The following GRK3 variants were observed in gnomAD, a reference collection of about 807,000 sequenced individuals.
GRK3 encodes adrenergic, beta, receptor kinase 2.
Under a neutral mutation model 95.7 loss-of-function variants are expected in GRK3, and 54 were observed. That is an observed-to-expected ratio of 0.56 (90% CI 0.45 to 0.71). The LOEUF is 0.71. GRK3 is among the 30% of genes least tolerant of loss of function. The probability of loss-of-function intolerance (pLI) is 0.00; values close to 1 mark genes in which losing one functional copy is unlikely to be tolerated. For synonymous variants in GRK3, 281 were observed against 290.8 expected (o/e 0.97, Z 0.34); for missense variants, 649 against 851.2 (o/e 0.76, Z 2.96).
intron 3 of GRK3, among the ~76,000 whole-genome samples, chr22:25,650,463 T>G (rs1445056706): frequency 6.6e-6 from 1 of 152,194 alleles, no homozygotes; most frequent in Admixed American, 6.5e-5. Flanking sequence ...CTGTGAGATA[T>G]TGCTAATATG....
chr22:25,673,276 G>A (rs543224937), intron 7 of GRK3, among the ~76,000 whole-genome samples: 7 of 151,942 alleles, frequency 4.6e-5, no homozygotes, highest in Admixed American at 1.3e-4. Context: ...GTTTGCCAGG[G>A]TGGTCTCTAT....
intron 1 of GRK3, chr22:25,580,429 G>C (rs1291230711): frequency 6.6e-6 from 1 of 152,212 alleles, no homozygotes; most frequent in Admixed American, 6.5e-5. Context: ...TGAAGGGGGA[G>C]TTGGGAAGTG....
chr22:25,569,024 T>C (rs998942291), intron 1 of GRK3, among the ~76,000 whole-genome samples: 1 of 152,216 alleles, frequency 6.6e-6, no homozygotes, highest in Non-Finnish European at 1.5e-5. Context: ...ATGGAGTTTA[T>C]TCGGTAATTG....
intron 9 of GRK3, among the ~76,000 whole-genome samples, chr22:25,679,750 G>A (rs375305392): frequency 2.6e-5 from 4 of 152,136 alleles, no homozygotes; most frequent in East Asian, 1.9e-4. Flanking sequence ...GAGAGGCATG[G>A]GGTGAGCGTG....
chr22:25,721,642 T>A (rs1324645090), intron 20 of GRK3, among the ~76,000 whole-genome samples: 1 of 152,214 alleles, frequency 6.6e-6, no homozygotes, highest in African/African-American at 2.4e-5. Context: ...GCTCAGTATT[T>A]AATAGGGCTG....
chr22:25,695,064 A>G (rs1383059311), intron 12 of GRK3, 43 bp from the exon 13 acceptor site: 6 of 1,444,096 alleles, frequency 4.2e-6, no homozygotes, highest in African/African-American at 1.4e-5. Flanking sequence ...TGTTTTCTAA[A>G]GTGGGCATGC....
chr22:25,711,214 T>G, intron 17 of GRK3, 51 bp downstream of exon 17: 1 of 1,304,900 alleles, frequency 7.7e-7, no homozygotes, highest in Non-Finnish European at 1.1e-6. Context: ...ATGGGATGAT[T>G]TCTGTTGGAA....
chr22:25,565,292 C>A (rs1931424907), intron 1 of GRK3, 139 bp downstream of exon 1: 1 of 431,520 alleles, frequency 2.3e-6, no homozygotes, highest in Non-Finnish European at 4.1e-6. Context: ...CGATGCGGGG[C>A]CGGCCTCGTC....
At chr22:25,671,570 A>G (rs114132590) in intron 6 of GRK3, among the ~76,000 whole-genome samples, 367 of 152,214 alleles carry the variant, frequency 2.4e-3, no homozygotes, top group African/African-American at 8.2e-3. Flanking sequence ...ACCTGTGTCT[A>G]TTGGTCTGGG....
chr22:25,650,296 C>T (rs2084820711), intron 3 of GRK3, among the ~76,000 whole-genome samples: 1 of 152,170 alleles, frequency 6.6e-6, no homozygotes, highest in South Asian at 2.1e-4. Flanking sequence ...CTGCCTTGGC[C>T]TCCCAAAGGC....
At chr22:25,578,796 G>T (rs1931999381) in intron 1 of GRK3, among the ~76,000 whole-genome samples, 1 of 152,088 alleles carries the variant, frequency 6.6e-6, no homozygotes, top group Non-Finnish European at 1.5e-5. Flanking sequence ...CTGACACTCT[G>T]ACCGACCTCA....
chr22:25,579,980 A>C (rs1416820221), intron 1 of GRK3, among the ~76,000 whole-genome samples: 1 of 152,218 alleles, frequency 6.6e-6, no homozygotes. Context: ...TAAAATTTGC[A>C]TCACTAGGAT....
chr22:25,606,839 T>C (rs1023027460), intron 2 of GRK3, among the ~76,000 whole-genome samples: 1 of 152,184 alleles, frequency 6.6e-6, no homozygotes, highest in Non-Finnish European at 1.5e-5. Context: ...GGGAGATTGT[T>C]TGGCTACACC....
intron 9 of GRK3, among the ~76,000 whole-genome samples, chr22:25,680,881 G>A (rs1037790493): frequency 4.6e-5 from 7 of 151,838 alleles, no homozygotes; most frequent in African/African-American, 1.7e-4. Context: ...TGTATCGGCA[G>A]GCTTTCCCGT....
intron 13 of GRK3, among the ~76,000 whole-genome samples, chr22:25,702,066 G>A (rs1479317040): frequency 6.6e-6 from 1 of 151,242 alleles, no homozygotes; most frequent in Non-Finnish European, 1.5e-5. Context: ...TGCTTGCTGG[G>A]TGCTAATTTA....
chr22:25,694,760 C>T (rs909616467), intron 12 of GRK3, among the ~76,000 whole-genome samples: 4 of 152,188 alleles, frequency 2.6e-5, no homozygotes, highest in Admixed American at 2.0e-4. Flanking sequence ...TCCTCCCTTT[C>T]CCTGCCTCCC....
At chr22:25,658,348 C>T (rs1329521001) in intron 3 of GRK3, among the ~76,000 whole-genome samples, 1 of 152,178 alleles carries the variant, frequency 6.6e-6, no homozygotes, top group Non-Finnish European at 1.5e-5. Context: ...TTGAAGAATA[C>T]AGTTAACTTG....
intron 6 of GRK3, among the ~76,000 whole-genome samples, chr22:25,669,009 T>C (rs1448517050): frequency 6.6e-6 from 1 of 152,154 alleles, no homozygotes; most frequent in East Asian, 1.9e-4. Context: ...GCACATGGGA[T>C]TTTCTGCAGC....
chr22:25,607,065 T>G (rs2084455152), intron 2 of GRK3, among the ~76,000 whole-genome samples: 1 of 152,160 alleles, frequency 6.6e-6, no homozygotes, highest in African/African-American at 2.4e-5. Flanking sequence ...TAACCCCATA[T>G]GTATGTATAT....
Sources: gnomAD v4.1 joint callset for allele counts (sites outside exome capture counted in the v4.1 genomes callset) on GRCh38, gnomAD v4.1.1 for gene constraint, MANE v1.5 for transcripts, NCBI Gene and HGNC (gene_info 2026-07-23, HGNC 2026-07-21) for gene names.